DAXX: variants seen among roughly 807,000 people sequenced by gnomAD.
DAXX encodes death domain associated protein, also known as death domain-associated protein 6.
In DAXX, 24 loss-of-function variants were observed where a neutral mutation model predicts 61.9. The observed-to-expected ratio is 0.39, with a 90% CI of 0.28 to 0.55. The LOEUF (loss-of-function observed/expected upper bound fraction) is 0.55, where lower values mean the gene tolerates loss of function less well. Ranked by LOEUF, DAXX falls within the 20% of genes least tolerant of loss-of-function variation. DAXX has a pLI of 0.69. For synonymous variants in DAXX, 357 were observed against 369.5 expected (o/e 0.97, Z 0.39); for missense variants, 819 against 935.3 (o/e 0.88, Z 1.62).
chr6:33,322,149 T>TGGG, intron 1 of DAXX, 172 bp from the exon 2 acceptor site: 1 of 332,390 alleles, frequency 3.0e-6, no homozygotes, highest in South Asian at 4.9e-5. Flanking sequence ...GCCCTTCAAG[T>TGGG]GGTGTGGGGG....
Position 33,321,219 on chromosome 6 carries a change from G to A in DAXX, c.556C>T (p.Arg186Trp), listed in dbSNP as rs773506568. The A allele has an allele frequency of 6.8e-6, 11 of 1,612,120 alleles. No individual in the cohort carries two copies. The highest frequency in any genetic ancestry group is 4.4e-5 in the South Asian group (4 of 91,038). Residue 186 changes from arginine (R) to tryptophan (W), a missense_variant, in exon 3 of 8, where the codon CGG becomes TGG. By Grantham distance (101) the Arg-to-Trp change is moderately radical. Transcript: ENST00000374542. The surrounding 1 kb of genome is among the most constrained non-coding windows in gnomAD (Gnocchi z 7.2). ...AGCTGCTCCAAACGCTGGATCTGCCGCCGGGAACCACGGGTCCTTGGAGAC... is the reference window on the plus strand; with the variant it reads ...AGCTGCTCCAAACGCTGGATCTGCCACCGGGAACCACGGGTCCTTGGAGAC... Reference protein sequence around the residue: ...SQSPRTRGSRRQIQRLEQLLA... With the variant: ...SQSPRTRGSRWQIQRLEQLLA...
In DAXX at chr6:33,318,999, T is replaced by C; in HGVS notation, c.2161A>G (p.Lys721Glu). ...GAAACACGCCCTCCCCTTCTTACCTTGCAAGTACCAGGCCGAGGAGGCTGT... is the reference window on the plus strand; with the variant it reads ...GAAACACGCCCTCCCCTTCTTACCTCGCAAGTACCAGGCCGAGGAGGCTGT... ...HSQPPRPGTCKTSVATQCDPE... is the reference protein window; with the variant it reads ...HSQPPRPGTCETSVATQCDPE... The change falls in exon 7 of 8, where the codon AAG becomes GAG. Residue 721 changes from lysine to glutamate, a missense_variant and splice_region_variant. Physicochemically the swap from Lys to Glu is moderately conservative, Grantham distance 56 (BLOSUM62 1). Coordinates refer to ENST00000374542, the MANE Select transcript of DAXX (RefSeq NM_001141969.2). 6.2e-7 allele frequency: 1 copy of C among 1,612,120 alleles called. No individual in the cohort carries two copies. Among genetic ancestry groups the C allele is most frequent in the South Asian group, 1.1e-5 (1 of 91,024 alleles).
Position 33,322,901 on chromosome 6 carries a change from T to C in DAXX, c.-92A>G. 1.4e-6 allele frequency: 2 copies of C among 1,423,756 alleles called. No homozygotes were observed. The highest frequency in any genetic ancestry group is 1.1e-5 in the South Asian group (1 of 88,360). The allele number at this position is 1,423,756 out of a possible 1,614,324, so 88.2% of individuals were successfully genotyped here. A position where few individuals can be genotyped will look rare whatever the true frequency, so the allele number is the denominator to read the frequency against. On this transcript the variant is annotated 5_prime_UTR_variant, in exon 1 of 8. Transcript: ENST00000374542. ...CTCGAGGCGACCCTCGCCGCAATTCTCAGAACCTCGCATGGTTCCCTCCGC... is the reference window on the plus strand; with the variant it reads ...CTCGAGGCGACCCTCGCCGCAATTCCCAGAACCTCGCATGGTTCCCTCCGC...
In DAXX at chr6:33,322,872, G is replaced by A. The variant is rs745571525; in HGVS notation, c.-63C>T. On this transcript the variant is annotated 5_prime_UTR_variant, in exon 1 of 8. In the 5' UTR this introduces an upstream ATG that the reference lacks. Transcript: ENST00000374542. ...CCGTCCGGCCCCCACCTCAGAAACC[G>A]TCTCTCGAGGCGACCCTCGCCGCAA... The A allele has an allele frequency of 8.3e-7, 1 of 1,204,442 alleles. No homozygotes were observed. Among genetic ancestry groups the A allele is most frequent in the South Asian group, 1.2e-5 (1 of 80,622 alleles). The allele number at this position is 1,204,442 out of a possible 1,614,324, so 74.6% of individuals were successfully genotyped here.
chr6:33,320,522 C>G lies in DAXX; in HGVS notation c.1109G>C (p.Ser370Thr). 1 of 1,614,044 alleles carries G rather than the reference C, an allele frequency of 6.2e-7. No homozygotes were observed. The highest frequency in any genetic ancestry group is 8.5e-7 in the Non-Finnish European group (1 of 1,179,962). The change falls in exon 4 of 8, where the codon AGT (serine) becomes ACT (threonine). Residue 370 changes from serine (S) to threonine (T), a missense_variant. Coordinates refer to ENST00000374542, the MANE Select transcript of DAXX (RefSeq NM_001141969.2). This position sits in a 1 kb window ranked among gnomAD's most constrained non-coding sequence, Gnocchi z 7.1. ...RLRENRSLAMSRLDEVISKYA... is the reference protein window; with the variant it reads ...RLRENRSLAMTRLDEVISKYA... ...TTTGGAGATGACCTCATCCAGCCGA[C>G]TCATGGCCAAACTCCGGTTTTCCCG...
chr6:33,321,503 C>T lies in DAXX; in HGVS notation c.272G>A (p.Arg91Gln), dbSNP rs1389240197. The T allele has an allele frequency of 6.2e-7, 1 of 1,613,712 alleles. No homozygotes were observed. Among genetic ancestry groups the T allele is most frequent in the Non-Finnish European group, 8.5e-7 (1 of 1,179,972 alleles). The change falls in exon 3 of 8, where the codon CGG (arginine) becomes CAG (glutamine). Residue 91 changes from arginine to glutamine, a missense_variant. Coordinates refer to ENST00000374542, the MANE Select transcript of DAXX (RefSeq NM_001141969.2). This position sits in a 1 kb window ranked among gnomAD's most constrained non-coding sequence, Gnocchi z 7.2. ...AAACAGAGAGTGGGCACGTTGCTGC[C>T]GGTTATAGAGGAATGGGACCACCTC... ...HPEVVPFLYN[R>Q]QQRAHSLFLA...
chr6:33,319,290 T>A lies in DAXX; in HGVS notation c.1941-71A>T, dbSNP rs1770219646. 10 of 1,563,182 alleles carry A rather than the reference T, an allele frequency of 6.4e-6. No homozygotes were observed. The South Asian group carries it at 1.2e-4, about 19-fold the overall frequency. On this transcript the variant is annotated intron_variant, in intron 6 of 7. Transcript: ENST00000374542. ...GGCTGGAGGGGGGCAGTCCAGTCTC[T>A]CCCAGCAGACTCAGTTCCCCAGTAT...
chr6:33,321,003 G>C lies in DAXX; in HGVS notation c.772C>G (p.Pro258Ala). Reference protein sequence around the residue: ...LTGRVIEQRIPYRGTRYPEVN... With the variant: ...LTGRVIEQRIAYRGTRYPEVN... ...TCTGGGTAGCGGGTGCCACGGTAGG[G>C]GATGCGCTGCTCTATGACACGGCCG... The change falls in exon 3 of 8, where the codon CCC becomes GCC. Residue 258 changes from proline to alanine, a missense_variant. Pro to Ala is a conservative substitution (Grantham distance 27). Transcript: ENST00000374542. The surrounding 1 kb of genome is among the most constrained non-coding windows in gnomAD (Gnocchi z 7.2). 1 of 1,613,982 alleles carries C rather than the reference G, an allele frequency of 6.2e-7. No homozygotes were observed.
chr6:33,320,561 A>G lies in DAXX; in HGVS notation c.1070T>C (p.Leu357Ser). 1 of 1,614,016 alleles carries G rather than the reference A, an allele frequency of 6.2e-7. No individual in the cohort carries two copies. The highest frequency in any genetic ancestry group is 8.5e-7 in the Non-Finnish European group (1 of 1,180,020). Reference sequence around the variant, plus strand: ...CCGGTTTTCCCGAAGGCGCCGGGCCAACACAGGATCTGATAGTGCAGGGTC... The same window carrying G: ...CCGGTTTTCCCGAAGGCGCCGGGCCGACACAGGATCTGATAGTGCAGGGTC... Reference protein sequence around the residue: ...GVDPALSDPVLARRLRENRSL... With the variant: ...GVDPALSDPVSARRLRENRSL... The change falls in exon 4 of 8, where the codon TTG becomes TCG. Residue 357 changes from leucine (L) to serine (S), a missense_variant. Coordinates refer to ENST00000374542, the MANE Select transcript of DAXX (RefSeq NM_001141969.2). The surrounding 1 kb of genome is among the most constrained non-coding windows in gnomAD (Gnocchi z 7.1).
In DAXX at chr6:33,320,318, C is replaced by T; in HGVS notation, c.1251+62G>A. 3.5e-6 allele frequency: 5 copies of T among 1,439,524 alleles called. No individual in the cohort carries two copies. The highest frequency in any genetic ancestry group is 3.9e-6 in the Non-Finnish European group (4 of 1,020,604). The allele number at this position is 1,439,524 out of a possible 1,614,324, so 89.2% of individuals were successfully genotyped here. On this transcript the variant is annotated intron_variant, in intron 4 of 7. Coordinates refer to ENST00000374542, the MANE Select transcript of DAXX (RefSeq NM_001141969.2). The surrounding 1 kb of genome is among the most constrained non-coding windows in gnomAD (Gnocchi z 7.1). ...ATGCTCCCCCATCAGTCAACCTGGA[C>T]TCCCTGGTGGCCAGTGCAGGGGAAG...
Position 33,320,349 on chromosome 6 carries a change from T to C in DAXX, c.1251+31A>G, listed in dbSNP as rs1428695158. 5 of 1,522,832 alleles carry C rather than the reference T, an allele frequency of 3.3e-6. No individual in the cohort carries two copies. The highest frequency in any genetic ancestry group is 4.6e-6 in the Non-Finnish European group (5 of 1,096,520). 94.3% of individuals were successfully genotyped at this position (1,522,832 alleles called of 1,614,324 possible). A position where few individuals can be genotyped will look rare whatever the true frequency, so the allele number is the denominator to read the frequency against. The stretch of plus-strand genomic sequence containing the variant: ...GGTGGCCAGTGCAGGGGAAGGACAA[T>C]GTCTCTCTGAAGGCTGTACCCCATC... On this transcript the variant is annotated intron_variant, in intron 4 of 7. Coordinates refer to ENST00000374542, the MANE Select transcript of DAXX (RefSeq NM_001141969.2). The surrounding 1 kb of genome is among the most constrained non-coding windows in gnomAD (Gnocchi z 7.1).
Position 33,320,588 on chromosome 6 carries a change from A to T in DAXX, c.1043T>A (p.Val348Asp), listed in dbSNP as rs1200333484. 6.2e-7 allele frequency: 1 copy of T among 1,613,344 alleles called. No homozygotes were observed. The highest frequency in any genetic ancestry group is 1.1e-5 in the South Asian group (1 of 91,054). Residue 348 changes from valine (V) to aspartate (D), a missense_variant, in exon 4 of 8, where the codon GTT becomes GAT. Physicochemically the swap from Val to Asp is radical, Grantham distance 152. Transcript: ENST00000374542. This position sits in a 1 kb window ranked among gnomAD's most constrained non-coding sequence, Gnocchi z 7.1. ...CACAGGATCTGATAGTGCAGGGTCA[A>T]CGCCTACGTGGGAAGACATAAAGTC... ...CHLTDDYRPG[V>D]DPALSDPVLA... is the part of the protein sequence containing the mutation.
chr6:33,318,881 A>G (rs1291428611), intron 7 of DAXX, 79 bp from the exon 8 acceptor site: 2 of 1,259,632 alleles, frequency 1.6e-6, no homozygotes, highest in Non-Finnish European at 1.1e-6. Flanking sequence ...AGAGGATAAA[A>G]TGGGTGGGAA....
chr6:33,322,913 A>G lies in DAXX; in HGVS notation c.-104T>C, dbSNP rs1299535357. The G allele has an allele frequency of 7.0e-7, 1 of 1,431,258 alleles. No homozygotes were observed. Among genetic ancestry groups the G allele is most frequent in the Non-Finnish European group, 9.4e-7 (1 of 1,059,830 alleles). The allele number at this position is 1,431,258 out of a possible 1,614,324, so 88.7% of individuals were successfully genotyped here. On this transcript the variant is annotated 5_prime_UTR_variant, in exon 1 of 8. It removes an upstream start codon present in the reference 5' UTR. Transcript: ENST00000374542. ...CTCGCCGCAATTCTCAGAACCTCGCATGGTTCCCTCCGCCTTCCTTCCCAC... is the reference window on the plus strand; with the variant it reads ...CTCGCCGCAATTCTCAGAACCTCGCGTGGTTCCCTCCGCCTTCCTTCCCAC...
chr6:33,322,001 A>G, intron 1 of DAXX, 24 bp from the exon 2 acceptor site: 1 of 1,515,044 alleles, frequency 6.6e-7, no homozygotes, highest in Non-Finnish European at 8.9e-7. Context: ...GGGCCTCAGA[A>G]TGAGCCCCTC....
rs1293146890 is a variant in DAXX, at chr6:33,320,333, T to C, written c.1251+47A>G. ...TCAACCTGGACTCCCTGGTGGCCAG[T>C]GCAGGGGAAGGACAATGTCTCTCTG... On this transcript the variant is annotated intron_variant, in intron 4 of 7. Transcript: ENST00000374542. The surrounding 1 kb of genome is among the most constrained non-coding windows in gnomAD (Gnocchi z 7.1). 8.1e-6 allele frequency: 12 copies of C among 1,481,708 alleles called. No individual in the cohort carries two copies. Among genetic ancestry groups the C allele is most frequent in the Middle Eastern group, 3.4e-4 (2 of 5,834 alleles). The allele number at this position is 1,481,708 out of a possible 1,614,324, so 91.8% of individuals were successfully genotyped here. A position where few individuals can be genotyped will look rare whatever the true frequency, so the allele number is the denominator to read the frequency against.
Position 33,320,051 on chromosome 6 carries a change from C to G in DAXX, c.1425G>C (p.Glu475Asp), listed in dbSNP as rs759434939. 2 of 1,613,144 alleles carry G rather than the reference C, an allele frequency of 1.2e-6. No individual in the cohort carries two copies. The highest frequency in any genetic ancestry group is 8.5e-7 in the Non-Finnish European group (1 of 1,179,604). Residue 475 changes from glutamate to aspartate, a missense_variant, in exon 5 of 8, where the codon GAG becomes GAC. Transcript: ENST00000374542. This position sits in a 1 kb window ranked among gnomAD's most constrained non-coding sequence, Gnocchi z 7.1. ...EDLEQMQEGQ[E>D]DDEEEDEEEE... ...CCTCTTCGTCCTCCTCTTCATCATC[C>G]TCCTGACCCTCCTGCATCTGTTCCA...
chr6:33,319,730 T>C lies in DAXX; in HGVS notation c.1590A>G (p.Pro530=). 6.2e-7 allele frequency: 1 copy of C among 1,614,244 alleles called. No individual in the cohort carries two copies. Among genetic ancestry groups the C allele is most frequent in the Non-Finnish European group, 8.5e-7 (1 of 1,180,032 alleles). The part of the protein sequence containing the change: ...EQQNKGRIVS[P]SLLSEEPLAP... ...CCAGGGGTTCTTCTGACAGTAACGA[T>C]GGTGACACTATGCGTCCTTTGTTTT... is the stretch of plus-strand genomic sequence containing the variant. Residue 530 remains proline (P), a synonymous_variant, in exon 6 of 8, where the codon CCA becomes CCG. Coordinates refer to ENST00000374542, the MANE Select transcript of DAXX (RefSeq NM_001141969.2).
Position 33,319,197 on chromosome 6 carries a change from C to T in DAXX, c.1963G>A (p.Val655Met). Residue 655 changes from valine (V) to methionine (M), a missense_variant, in exon 7 of 8, where the codon GTG (valine) becomes ATG (methionine). Coordinates refer to ENST00000374542, the MANE Select transcript of DAXX (RefSeq NM_001141969.2). Reference sequence around the variant, plus strand: ...ATCTTTTTCCCATTCTTCTCATGCACTGACCTTTGCCTTTCCACATAGCTA... The same window carrying T: ...ATCTTTTTCCCATTCTTCTCATGCATTGACCTTTGCCTTTCCACATAGCTA... The part of the protein sequence containing the change: ...GNSYVERQRS[V>M]HEKNGKKICT... 6.2e-7 allele frequency: 1 copy of T among 1,605,384 alleles called. No homozygotes were observed. The highest frequency in any genetic ancestry group is 1.1e-5 in the South Asian group (1 of 90,508).
Sources: allele counts gnomAD v4.1 joint callset, GRCh38; gene constraint gnomAD v4.1.1; non-coding constraint Gnocchi (gnomAD v3.1); transcripts MANE v1.5; gene names NCBI Gene and HGNC (gene_info 2026-07-23, HGNC 2026-07-21).